SPG7: variants seen among roughly 807,000 people sequenced by gnomAD.
SPG7 encodes the protein SPG7 matrix AAA peptidase subunit, paraplegin.
In SPG7, 103 loss-of-function variants were observed where a neutral mutation model predicts 81.9. The observed-to-expected ratio is 1.26, with a 90% CI of 1.07 to 1.48. The LOEUF (loss-of-function observed/expected upper bound fraction) is 1.48. SPG7 is among the 40% of genes most tolerant of loss of function. The pLI is 0.00. For missense variants in SPG7, 1,241 were observed against 1,087.3 expected, an observed-to-expected ratio of 1.14 and a Z score of -1.99; for synonymous variants, 534 against 444.2, an observed-to-expected ratio of 1.20 and a Z score of -2.54.
chr16:89,555,283 AT>A (rs2058675648), intron 16 of SPG7: 1 of 152,482 alleles, frequency 6.6e-6, no homozygotes, highest in Non-Finnish European at 1.5e-5. Context: ...GTTTTACCAC[AT>A]TGGCCAGGCT....
At position 89,531,969 on chromosome 16, in the gene SPG7, C is replaced by T. The variant is rs762689331; in HGVS notation, c.1053C>T (p.Pro351=). ...AGGGCGCACTGCTGCTCGGCCCCCC[C>T]GGCTGTGGGAAGACGCTGCTGGCCA... ...VPKGALLLGP[P]GCGKTLLAKA... is the part of the protein sequence containing the mutation. Residue 351 remains proline (P), a synonymous_variant, in exon 8 of 17, where the codon CCC becomes CCT. Transcript: ENST00000645818. 1.2e-4 allele frequency: 198 copies of T among 1,613,816 alleles called. No homozygotes were observed. Among genetic ancestry groups the T allele is most frequent in the Middle Eastern group, 1.6e-4 (1 of 6,066 alleles).
At chr16:89,550,928 C>T (rs981342938) in intron 13 of SPG7, among the ~76,000 whole-genome samples, 3 of 152,140 alleles carry the variant, frequency 2.0e-5, no homozygotes, top group African/African-American at 7.2e-5. Context: ...GCCTGTCCAC[C>T]CCAAATGACT....
At chr16:89,530,857 C>CCTCCT in intron 7 of SPG7, 49 bp downstream of exon 7, 1 of 1,612,146 alleles carries the variant, frequency 6.2e-7, no homozygotes, top group Non-Finnish European at 8.5e-7. Context: ...GGCCGGCCGT[C>CCTCCT]CTCCTCTCCC....
rs990054678 is a variant in SPG7, at chr16:89,537,100, G to A, written c.1324+4464G>A. 1.7e-5 allele frequency: 25 copies of A among 1,509,988 alleles called. No individual in the cohort carries two copies. The African/African-American group carries it at 3.2e-4, about 19-fold the overall frequency. The allele number at this position is 1,509,988 out of a possible 1,614,324, so 93.5% of individuals were successfully genotyped here. ...CTCTAAACAAGTCCCTTTATGCAGA[G>A]CCACAGCTGTGCATGCTCAGCCCTG... On this transcript the variant is annotated intron_variant, in intron 9 of 16. Coordinates refer to ENST00000645818, the MANE Select transcript of SPG7 (RefSeq NM_003119.4).
rs1019071108 is a variant in SPG7, at chr16:89,557,663, C to G, written c.*570C>G. On this transcript the variant is annotated 3_prime_UTR_variant, in exon 17 of 17. Coordinates refer to ENST00000645818, the MANE Select transcript of SPG7 (RefSeq NM_003119.4). ...GTGGACTGGTGCAAGTTGAGGACTT[C>G]TTGCTGGTCTAGTCACGCATGCAGT... is the stretch of plus-strand genomic sequence containing the variant. 1 of 163,844 alleles carries G rather than the reference C, an allele frequency of 6.1e-6. No homozygotes were observed. Among genetic ancestry groups the G allele is most frequent in the African/African-American group, 2.4e-5 (1 of 41,606 alleles). 10.1% of individuals were successfully genotyped at this position (163,844 alleles called of 1,614,324 possible).
At position 89,526,404 on chromosome 16, in the gene SPG7, G is replaced by C. The variant is rs755165832; in HGVS notation, c.694G>C (p.Glu232Gln). The change falls in exon 5 of 17, where the codon GAG becomes CAG. Residue 232 changes from glutamate (E) to glutamine (Q), a missense_variant. By Grantham distance (29) the Glu-to-Gln change is conservative (BLOSUM62 2). Transcript: ENST00000645818. ...AGAGAAGCTTCGAGCAGCTGAAGAT[G>C]AGCTGAATATCGAGGCCAAGGACAG... ...FEEKLRAAEDELNIEAKDRIP... is the reference protein window; with the variant it reads ...FEEKLRAAEDQLNIEAKDRIP... The C allele has an allele frequency of 2.5e-6, 4 of 1,614,048 alleles. No homozygotes were observed. Among genetic ancestry groups the C allele is most frequent in the African/African-American group, 1.3e-5 (1 of 74,904 alleles).
chr16:89,535,493 T>C lies in SPG7; in HGVS notation c.1324+2857T>C, dbSNP rs539207409. ...CTTGTCCCCCGTGTCTCCAGTCGTC[T>C]CTCAACACGCTTATTCAGGAACTAA... On this transcript the variant is annotated intron_variant, in intron 9 of 16. Coordinates refer to ENST00000645818, the MANE Select transcript of SPG7 (RefSeq NM_003119.4). Among the ~76,000 whole-genome samples the C allele has an allele frequency of 4.4e-4, 67 of 152,330 alleles. 1 individual carries two copies. The highest frequency in any genetic ancestry group is 1.6e-3 in the African/African-American group (65 of 41,576).
Position 89,532,443 on chromosome 16 carries a change from TTCTC to T in SPG7, c.1151-16_1151-13del, listed in dbSNP as rs765079734. On this transcript the variant is annotated splice_polypyrimidine_tract_variant and intron_variant, in intron 8 of 16. Transcript: ENST00000645818. ...TTTTTATTAACTGCCCATTTCCTGA[TTCTC>T]TCTGTGTCCCCTCAGGCCTCGGCGC... is the stretch of plus-strand genomic sequence containing the variant. 4.3e-6 allele frequency: 7 copies of T among 1,613,106 alleles called. No homozygotes were observed. The South Asian group carries it at 4.4e-5, about 10-fold the overall frequency.
At chr16:89,534,417 TGTG>T (rs1454191945) in intron 9 of SPG7, among the ~76,000 whole-genome samples, 2 of 152,336 alleles carry the variant, frequency 1.3e-5, no homozygotes, top group African/African-American at 4.8e-5. Flanking sequence ...ACATGTGGAC[TGTG>T]GTGAATCAGG....
intron 2 of SPG7, among the ~76,000 whole-genome samples, chr16:89,511,418 T>A (rs2058020702): frequency 6.6e-6 from 1 of 152,204 alleles, no homozygotes; most frequent in African/African-American, 2.4e-5. Flanking sequence ...CGCTCCCCTT[T>A]ATGGAGTTGG....
In SPG7 at chr16:89,550,473, CAT is replaced by C. The variant is rs1475668073; in HGVS notation, c.1664-19_1664-18del. 2 of 1,580,050 alleles carry C rather than the reference CAT, an allele frequency of 1.3e-6. No individual in the cohort carries two copies. Among genetic ancestry groups the C allele is most frequent in the Admixed American group, 1.7e-5 (1 of 59,980 alleles). The stretch of plus-strand genomic sequence containing the variant: ...CAGGCGTGAGCCACCGCGCCCAACT[CAT>C]ACCCCGGCATTCTTTCAGGGACTGC... On this transcript the variant is annotated intron_variant, in intron 12 of 16. Coordinates refer to ENST00000645818, the MANE Select transcript of SPG7 (RefSeq NM_003119.4).
At chr16:89,541,623 C>T (rs552747777) in intron 9 of SPG7, 31 of 152,754 alleles carry the variant, frequency 2.0e-4, no homozygotes, top group Non-Finnish European at 3.9e-4. Flanking sequence ...GTTTCCATGT[C>T]AGTCTCCTGG....
intron 3 of SPG7, chr16:89,523,412 G>C: frequency 3.1e-6 from 1 of 324,416 alleles, no homozygotes; most frequent in South Asian, 2.5e-5. Context: ...ATTATTTCTT[G>C]AGGCAGGTTG....
intron 12 of SPG7, chr16:89,548,596 AAC>A: frequency 3.2e-6 from 1 of 313,542 alleles, no homozygotes; most frequent in Non-Finnish European, 6.3e-6. Flanking sequence ...CCTCTGGTGA[AAC>A]TCATGGTCCC....
intron 9 of SPG7, chr16:89,542,892 A>G (rs561674622): frequency 1.4e-5 from 2 of 148,066 alleles, no homozygotes; most frequent in South Asian, 4.3e-4. Context: ...GGTTTCTTAC[A>G]TTAGTCACGG....
At chr16:89,543,270 C>CGGT (rs34289060) in intron 9 of SPG7, 27,538 of 147,874 alleles carry the variant, frequency 0.19, 2,621 homozygotes, top group South Asian at 0.24. Context: ...ACATTAGTCA[C>CGGT]GGGTCCTGTT....
intron 9 of SPG7, chr16:89,540,071 T>A (rs2058475741): frequency 6.6e-6 from 1 of 152,462 alleles, no homozygotes; most frequent in African/African-American, 2.4e-5. Flanking sequence ...CATGTGGGGG[T>A]CTGTGCTGGC....
At chr16:89,528,167 G>C (rs1458027992) in intron 5 of SPG7, among the ~76,000 whole-genome samples, 1 of 151,840 alleles carries the variant, frequency 6.6e-6, no homozygotes, top group East Asian at 1.9e-4. Flanking sequence ...GAGGCGGGCA[G>C]ATCACGAGGT....
In SPG7 at chr16:89,513,025, G is replaced by T; in HGVS notation, c.364G>T (p.Glu122Ter). Residue 122 changes from glutamate (E) to a stop codon, truncating the protein, a stop_gained, in exon 3 of 17, where the codon GAA becomes TAA. Transcript: ENST00000645818. LOFTEE classifies it high-confidence loss of function. ...GGATAAGTCGAAGGGGAAGGCGCCTGAAGAGGACGAAGGTATATTCATCTG... is the reference window on the plus strand; with the variant it reads ...GGATAAGTCGAAGGGGAAGGCGCCTTAAGAGGACGAAGGTATATTCATCTG... ...EKDKSKGKAP[E>*]EDEEERRRRE... The T allele has an allele frequency of 6.2e-7, 1 of 1,609,068 alleles. No homozygotes were observed. The highest frequency in any genetic ancestry group is 8.5e-7 in the Non-Finnish European group (1 of 1,177,060).
Sources: allele counts gnomAD v4.1 joint callset (sites outside exome capture counted in the v4.1 genomes callset), GRCh38; gene constraint gnomAD v4.1.1; transcripts MANE v1.5; gene names NCBI Gene and HGNC (gene_info 2026-07-23, HGNC 2026-07-21).